PHF21A: variants seen among roughly 807,000 people sequenced by gnomAD.
PHF21A encodes PHD finger protein 21A.
A neutral mutation model predicts 82.5 loss-of-function variants in PHF21A; 11 were observed. The ratio of observed to expected loss-of-function variants is 0.13; its 90% CI spans 0.08 to 0.22. The LOEUF (loss-of-function observed/expected upper bound fraction) is 0.22. PHF21A is among the 10% of genes least tolerant of loss of function. PHF21A has a pLI of 1.00. For synonymous variants in PHF21A, 297 were observed against 302.8 expected, an observed-to-expected ratio of 0.98 and a Z score of 0.20; for missense variants, 579 against 837.8, an observed-to-expected ratio of 0.69 and a Z score of 3.81.
intron 6 of PHF21A, among the ~76,000 whole-genome samples, chr11:46,043,861 G>C (rs1402950293): frequency 2.6e-5 from 4 of 152,152 alleles, no homozygotes; most frequent in African/African-American, 7.2e-5. Context: ...CTGTTTTTCA[G>C]ACTTGAAGTT....
intron 16 of PHF21A, among the ~76,000 whole-genome samples, chr11:45,937,655 A>G (rs2089410130): frequency 6.6e-6 from 1 of 151,872 alleles, no homozygotes; most frequent in South Asian, 2.1e-4. Context: ...TAATTTTTAT[A>G]TTTTTAGTAG....
At chr11:46,054,364 A>G (rs573260323) in intron 6 of PHF21A, among the ~76,000 whole-genome samples, 53 of 152,302 alleles carry the variant, frequency 3.5e-4, no homozygotes, top group African/African-American at 1.3e-3. Context: ...CAGATGATTC[A>G]GGAATAAAAA....
In PHF21A at chr11:45,931,652, TGG is replaced by T. The variant is rs1299323499; in HGVS notation, c.*2314_*2315del. On this transcript the variant is annotated 3_prime_UTR_variant, in exon 19 of 19. Transcript: ENST00000676320. ...CTTTGTCTCTCTGGGCCTAATTGGG[TGG>T]GAGAGAAGCTGATAGGATCGTTTCT... is the stretch of plus-strand genomic sequence containing the variant. 2 of 152,204 alleles carry T rather than the reference TGG, an allele frequency of 1.3e-5. No homozygotes were observed. The highest frequency in any genetic ancestry group is 3.8e-4 in the East Asian group (2 of 5,202). 9.4% of individuals were successfully genotyped at this position (152,204 alleles called of 1,614,324 possible).
chr11:45,941,857 C>A (rs1426580650), intron 15 of PHF21A, among the ~76,000 whole-genome samples: 1 of 152,228 alleles, frequency 6.6e-6, no homozygotes, highest in Non-Finnish European at 1.5e-5. Flanking sequence ...ATGTGCTAAA[C>A]AATTTTTATA....
chr11:46,046,682 T>C (rs1308415992), intron 6 of PHF21A, among the ~76,000 whole-genome samples: 1 of 152,218 alleles, frequency 6.6e-6, no homozygotes, highest in African/African-American at 2.4e-5. Flanking sequence ...TAATATTAAA[T>C]GATGATGGCA....
At chr11:46,092,759 C>CTT (rs10681499) in intron 1 of PHF21A, among the ~76,000 whole-genome samples, 95,808 of 135,504 alleles carry the variant, frequency 0.71, 36,239 homozygotes, top group Non-Finnish European at 0.86. Context: ...TGTGTCTCAC[C>CTT]TTTTTTTTTT....
intron 6 of PHF21A, among the ~76,000 whole-genome samples, chr11:46,006,809 C>A (rs1781776714): frequency 6.6e-6 from 1 of 152,194 alleles, no homozygotes; most frequent in Non-Finnish European, 1.5e-5. Flanking sequence ...AGACCAACAA[C>A]CCTCCCTTGG....
intron 10 of PHF21A, among the ~76,000 whole-genome samples, chr11:45,962,901 GAAGA>G (rs774010372): frequency 3.0e-4 from 45 of 151,470 alleles, no homozygotes; most frequent in Non-Finnish European, 6.2e-4. Flanking sequence ...TCAAAAAAGA[GAAGA>G]GAGAACATGA....
At chr11:45,948,828 AAC>A in intron 14 of PHF21A, 56 bp downstream of exon 14, 31 of 1,239,786 alleles carry the variant, frequency 2.5e-5, no homozygotes, top group Non-Finnish European at 3.5e-5. Flanking sequence ...AAGGAGAAGA[AAC>A]ACACACACAA....
chr11:45,958,412 AAAAAAAAATATATATAT>A (rs1434385677), intron 10 of PHF21A, among the ~76,000 whole-genome samples: 44 of 27,228 alleles, frequency 1.6e-3, no homozygotes, highest in African/African-American at 4.5e-3. Flanking sequence ...AAAAAAAAAA[AAAAAAAAATATATATAT>A]ATATATATAT....
chr11:45,938,214 G>T lies in PHF21A; in HGVS notation c.1551C>A (p.Asp517Glu), dbSNP rs371625119. 9.9e-6 allele frequency: 16 copies of T among 1,609,100 alleles called. No individual in the cohort carries two copies. The African/African-American group carries it at 1.3e-4, about 13-fold the overall frequency. Residue 517 changes from aspartate to glutamate, a missense_variant, in exon 16 of 19, where the codon GAC becomes GAA. Asp to Glu is a conservative substitution (Grantham distance 45, BLOSUM62 2). Around this residue, in one of 3 missense-constraint regions of PHF21A, gnomAD observed 410 missense variants for 642.1 expected, o/e 0.64. Transcript: ENST00000676320. Reference protein sequence around the residue: ...CSRVYHLDCLDPPLKTIPKGM... With the variant: ...CSRVYHLDCLEPPLKTIPKGM... ...CCTTGGGAATTGTTTTCAGAGGGGG[G>T]TCTAAGCAGTCCAAATGATATACAC...
chr11:45,994,088 C>T (rs1353338962), intron 6 of PHF21A, among the ~76,000 whole-genome samples: 1 of 152,190 alleles, frequency 6.6e-6, no homozygotes, highest in Non-Finnish European at 1.5e-5. Context: ...ACTTCCTCGT[C>T]TACATAGTAT....
At chr11:45,988,632 T>G (rs1169710626) in intron 6 of PHF21A, among the ~76,000 whole-genome samples, 1 of 152,170 alleles carries the variant, frequency 6.6e-6, no homozygotes, top group Non-Finnish European at 1.5e-5. Context: ...CTCACCCCTG[T>G]AATCCCAGCA....
chr11:45,997,492 T>C (rs796333792), intron 6 of PHF21A, among the ~76,000 whole-genome samples: 2 of 152,300 alleles, frequency 1.3e-5, no homozygotes, highest in African/African-American at 4.8e-5. Context: ...AGCCAGCCCA[T>C]GCCTACGTGA....
chr11:46,054,178 CAG>C (rs924235167), intron 6 of PHF21A, among the ~76,000 whole-genome samples: 1 of 152,122 alleles, frequency 6.6e-6, no homozygotes, highest in Admixed American at 6.6e-5. Flanking sequence ...TAACTATAGT[CAG>C]AGAAGAATTT....
chr11:45,968,721 G>A (rs1327981262), intron 9 of PHF21A, among the ~76,000 whole-genome samples: 3 of 152,046 alleles, frequency 2.0e-5, no homozygotes, highest in Non-Finnish European at 4.4e-5. Flanking sequence ...CCTGAGGTCA[G>A]GAGTTTGAGA....
At chr11:46,048,280 C>A (rs1234727311) in intron 6 of PHF21A, among the ~76,000 whole-genome samples, 4 of 152,126 alleles carry the variant, frequency 2.6e-5, no homozygotes, top group Non-Finnish European at 5.9e-5. Flanking sequence ...TCATTGGCTT[C>A]TTTTACTTAG....
At chr11:46,070,781 G>A (rs2096648158) in intron 6 of PHF21A, among the ~76,000 whole-genome samples, 2 of 152,178 alleles carry the variant, frequency 1.3e-5, no homozygotes, top group South Asian at 2.1e-4. Flanking sequence ...GATAATTTAT[G>A]GAATACTACA....
At chr11:46,011,264 A>C (rs1005721516) in intron 6 of PHF21A, among the ~76,000 whole-genome samples, 2 of 152,190 alleles carry the variant, frequency 1.3e-5, no homozygotes, top group South Asian at 2.1e-4. Flanking sequence ...AGAGGAGGGC[A>C]GATCACCTGA....
Sources: gnomAD v4.1 joint callset for allele counts (sites outside exome capture counted in the v4.1 genomes callset) on GRCh38, gnomAD v4.1.1 for gene constraint, gnomAD v4.1.1 regional missense constraint, MANE v1.5 for transcripts, NCBI Gene and HGNC (gene_info 2026-07-23, HGNC 2026-07-21) for gene names.